The following NEGR1 variants were observed in gnomAD, a reference collection of about 807,000 sequenced individuals.
NEGR1 encodes neuronal growth regulator 1, also known as IgLON family member 4.
Under a neutral mutation model 40.9 loss-of-function variants are expected in NEGR1, and 10 were observed. The observed-to-expected ratio is 0.24, with a 90% CI of 0.15 to 0.42. NEGR1 has a LOEUF of 0.42. NEGR1 is among the 10% of genes least tolerant of loss of function. The probability of loss-of-function intolerance (pLI) is 1.00; values close to 1 mark genes in which losing one functional copy is unlikely to be tolerated. For synonymous variants in NEGR1, 185 were observed against 166.8 expected (o/e 1.11, Z -0.84); for missense variants, 352 against 438.9 (o/e 0.80, Z 1.77).
intron 3 of NEGR1, among the ~76,000 whole-genome samples, chr1:71,747,384 T>G (rs1238247384): frequency 6.6e-6 from 1 of 152,098 alleles, no homozygotes; most frequent in Non-Finnish European, 1.5e-5. Context: ...CACTTAGTCT[T>G]TCTTCTGAGT....
intron 1 of NEGR1, among the ~76,000 whole-genome samples, chr1:72,077,667 G>A (rs1000833920): frequency 2.8e-5 from 4 of 144,794 alleles, no homozygotes; most frequent in African/African-American, 5.2e-5. Context: ...TAAATAAATA[G>A]GCCGGTGCAG....
At chr1:71,411,679 A>G (rs925539391) in intron 6 of NEGR1, among the ~76,000 whole-genome samples, 2 of 152,138 alleles carry the variant, frequency 1.3e-5, no homozygotes, top group Admixed American at 6.6e-5. Context: ...TCAGTAGACA[A>G]TAGATTGTAC....
chr1:72,123,661 C>A (rs1649893936), intron 1 of NEGR1, among the ~76,000 whole-genome samples: 1 of 151,734 alleles, frequency 6.6e-6, no homozygotes, highest in African/African-American at 2.4e-5. Context: ...GGTAAAGAAG[C>A]TTTACCTCAT....
At chr1:71,542,473 A>G (rs1570007786) in intron 6 of NEGR1, among the ~76,000 whole-genome samples, 1 of 151,706 alleles carries the variant, frequency 6.6e-6, no homozygotes, top group East Asian at 2.0e-4. Flanking sequence ...GATTCCAGCT[A>G]TAGGCAGAGG....
chr1:71,439,376 T>C (rs868087765), intron 6 of NEGR1, among the ~76,000 whole-genome samples: 1 of 152,158 alleles, frequency 6.6e-6, no homozygotes, highest in Non-Finnish European at 1.5e-5. Context: ...TTCGTTTTTG[T>C]TTTTGAGACA....
At chr1:71,639,658 G>T (rs1651281916) in intron 4 of NEGR1, among the ~76,000 whole-genome samples, 1 of 152,030 alleles carries the variant, frequency 6.6e-6, no homozygotes, top group Non-Finnish European at 1.5e-5. Flanking sequence ...GGAAATTAGA[G>T]TCACCAGCCA....
intron 1 of NEGR1, among the ~76,000 whole-genome samples, chr1:72,238,391 TA>T (rs1017394619): frequency 1.3e-5 from 2 of 151,940 alleles, no homozygotes; most frequent in African/African-American, 4.8e-5. Context: ...GTAAACTATA[TA>T]AAACATGTAT....
At chr1:71,679,220 C>T (rs1192890412) in intron 4 of NEGR1, among the ~76,000 whole-genome samples, 2 of 152,006 alleles carry the variant, frequency 1.3e-5, no homozygotes, top group East Asian at 1.9e-4. Flanking sequence ...GGAGTCTTCT[C>T]GAATTCTTGC....
chr1:72,209,968 T>C (rs1653540008), intron 1 of NEGR1, among the ~76,000 whole-genome samples: 1 of 151,940 alleles, frequency 6.6e-6, no homozygotes. Context: ...ATTTATTGAA[T>C]TGCATTTGAT....
At chr1:72,122,219 A>C (rs1295992360) in intron 1 of NEGR1, among the ~76,000 whole-genome samples, 1 of 152,034 alleles carries the variant, frequency 6.6e-6, no homozygotes, top group Non-Finnish European at 1.5e-5. Flanking sequence ...TCCAGAAAAC[A>C]TTAAACCACA....
intron 1 of NEGR1, among the ~76,000 whole-genome samples, chr1:72,004,460 A>G (rs1415146788): frequency 6.6e-6 from 1 of 152,034 alleles, no homozygotes; most frequent in Non-Finnish European, 1.5e-5. Flanking sequence ...CACTCGCAGC[A>G]AATTTTTGTA....
intron 6 of NEGR1, among the ~76,000 whole-genome samples, chr1:71,587,036 T>C (rs186093640): frequency 1.2e-4 from 18 of 152,232 alleles, no homozygotes; most frequent in Admixed American, 7.2e-4. Flanking sequence ...AATTTATTAC[T>C]GCCTCTTTCA....
intron 1 of NEGR1, among the ~76,000 whole-genome samples, chr1:72,072,854 G>C (rs1486623035): frequency 1.3e-5 from 2 of 152,116 alleles, no homozygotes; most frequent in Non-Finnish European, 2.9e-5. Flanking sequence ...AATATGCCTA[G>C]ATTCTCCATC....
At chr1:71,743,051 T>C (rs1277969738) in intron 3 of NEGR1, among the ~76,000 whole-genome samples, 4 of 152,136 alleles carry the variant, frequency 2.6e-5, no homozygotes, top group East Asian at 1.9e-4. Flanking sequence ...TAAGACGACA[T>C]CCATCTGCAA....
intron 1 of NEGR1, among the ~76,000 whole-genome samples, chr1:72,191,375 C>T (rs1342862): frequency 0.96 from 145,910 of 151,818 alleles, 70,170 homozygotes; most frequent in East Asian, 1. Context: ...TGAGGCAATA[C>T]CTGATAGTTT....
intron 2 of NEGR1, among the ~76,000 whole-genome samples, chr1:71,808,662 G>T (rs571900585): frequency 6.6e-6 from 1 of 152,118 alleles, no homozygotes; most frequent in South Asian, 2.1e-4. Context: ...AGTTCTGAAA[G>T]CAGTAACATG....
At chr1:71,459,837 C>T (rs1190198674) in intron 6 of NEGR1, among the ~76,000 whole-genome samples, 1 of 152,174 alleles carries the variant, frequency 6.6e-6, no homozygotes, top group African/African-American at 2.4e-5. Context: ...ATAGTGATTT[C>T]CTTATCCTTT....
intron 1 of NEGR1, among the ~76,000 whole-genome samples, chr1:72,066,196 C>T (rs887870181): frequency 3.9e-5 from 6 of 152,066 alleles, no homozygotes; most frequent in African/African-American, 7.2e-5. Context: ...ACTGAGGCAT[C>T]GGAAGGTTGA....
intron 6 of NEGR1, among the ~76,000 whole-genome samples, chr1:71,464,145 GC>G (rs2101347407): frequency 6.6e-6 from 1 of 152,182 alleles, no homozygotes; most frequent in Non-Finnish European, 1.5e-5. Flanking sequence ...TTGCTATCTA[GC>G]CTCTTCATTA....
Sources: gnomAD v4.1 joint callset for allele counts (sites outside exome capture counted in the v4.1 genomes callset) on GRCh38, gnomAD v4.1.1 for gene constraint, MANE v1.5 for transcripts, NCBI Gene and HGNC (gene_info 2026-07-23, HGNC 2026-07-21) for gene names.